The following TRAPPC10 variants were observed in gnomAD, a reference collection of about 807,000 sequenced individuals.
The protein encoded by TRAPPC10 is trafficking protein particle complex subunit 10, also known as TRAPP 130 kDa subunit.
TRAPPC10 carries 23 observed loss-of-function variants against 125.5 expected under a neutral mutation model. The ratio of observed to expected loss-of-function variants is 0.18; its 90% CI spans 0.13 to 0.26. The LOEUF (loss-of-function observed/expected upper bound fraction) is 0.26, where lower values mean the gene tolerates loss of function less well. Among genes scored for constraint, TRAPPC10 ranks in the 10% least tolerant of loss-of-function variants. TRAPPC10 has a pLI of 1.00. For synonymous variants in TRAPPC10, 509 were observed against 518.0 expected (o/e 0.98, Z 0.24); for missense variants, 1,123 against 1,308.4 (o/e 0.86, Z 2.19).
At chr21:44,062,622 T>C in intron 6 of TRAPPC10, 1 of 984,638 alleles carries the variant, frequency 1.0e-6, no homozygotes, top group Non-Finnish European at 1.2e-6. Context: ...TGCTGGGTGC[T>C]CCAATAGCCC....
chr21:44,090,062 T>C (rs2038467794), intron 18 of TRAPPC10, 129 bp downstream of exon 18: 2 of 642,626 alleles, frequency 3.1e-6, no homozygotes, highest in South Asian at 1.9e-5. Flanking sequence ...AGGCCATTGT[T>C]TGTGTCTTAA....
At chr21:44,029,816 T>C (rs1243021352) in intron 1 of TRAPPC10, among the ~76,000 whole-genome samples, 1 of 152,268 alleles carries the variant, frequency 6.6e-6, no homozygotes, top group African/African-American at 2.4e-5. Flanking sequence ...TCATTTTAAC[T>C]AAGCTACCTT....
At chr21:44,037,682 T>G (rs894128194) in intron 2 of TRAPPC10, 110 bp from the exon 3 acceptor site, 3 of 1,239,950 alleles carry the variant, frequency 2.4e-6, no homozygotes, top group African/African-American at 3.0e-5. Flanking sequence ...GGGGTTAATA[T>G]ATGTGCTCTG....
At chr21:44,085,901 G>A (rs1054387210) in intron 15 of TRAPPC10, among the ~76,000 whole-genome samples, 2 of 152,256 alleles carry the variant, frequency 1.3e-5, no homozygotes, top group Admixed American at 6.5e-5. Context: ...GGCTAGCAAC[G>A]ATTTATTTAT....
intron 4 of TRAPPC10, among the ~76,000 whole-genome samples, chr21:44,054,116 G>A (rs1318835738): frequency 6.6e-6 from 1 of 152,178 alleles, no homozygotes; most frequent in Non-Finnish European, 1.5e-5. Context: ...CCTTGAGAAT[G>A]CCTTAAGGAT....
intron 3 of TRAPPC10, among the ~76,000 whole-genome samples, chr21:44,048,797 G>GTTTTTTTTTT (rs34892092): frequency 2.8e-5 from 3 of 105,604 alleles, no homozygotes; most frequent in South Asian, 3.1e-4. Context: ...CCCACCCTGT[G>GTTTTTTTTTT]TTTTTTTTTT....
At chr21:44,052,558 T>C in intron 4 of TRAPPC10, 82 bp downstream of exon 4, 2 of 1,326,420 alleles carry the variant, frequency 1.5e-6, no homozygotes, top group Middle Eastern at 2.3e-4. Flanking sequence ...GTAATAAATA[T>C]TTACTCAGCA....
intron 11 of TRAPPC10, 93 bp from the exon 12 acceptor site, chr21:44,079,471 C>G (rs1300687759): frequency 8.3e-6 from 12 of 1,439,132 alleles, no homozygotes; most frequent in Non-Finnish European, 1.1e-5. Flanking sequence ...GGCATGGGGT[C>G]TGGAGGATGG....
chr21:44,063,130 C>T lies in TRAPPC10; in HGVS notation c.791-408C>T. 7.7e-7 allele frequency: 1 copy of T among 1,306,250 alleles called. No individual in the cohort carries two copies. The highest frequency in any genetic ancestry group is 1.0e-6 in the Non-Finnish European group (1 of 991,522). The allele number at this position is 1,306,250 out of a possible 1,614,324, so 80.9% of individuals were successfully genotyped here. Reference sequence around the variant, plus strand: ...ATGTAATCTAAGGAAGACCAAAAAACACCAGGATGGTCAGAGCAGGCTGCA... The same window carrying T: ...ATGTAATCTAAGGAAGACCAAAAAATACCAGGATGGTCAGAGCAGGCTGCA... On this transcript the variant is annotated intron_variant, in intron 6 of 22. Coordinates refer to ENST00000291574, the MANE Select transcript of TRAPPC10 (RefSeq NM_003274.5). This position sits in a 1 kb window ranked among gnomAD's most constrained non-coding sequence, Gnocchi z 4.4.
At chr21:44,088,979 CT>C (rs1166072439) in intron 17 of TRAPPC10, 1 of 168,934 alleles carries the variant, frequency 5.9e-6, no homozygotes, top group Non-Finnish European at 1.2e-5. Context: ...GTGTTATCCT[CT>C]TTTCCCTGGC....
intron 19 of TRAPPC10, 69 bp from the exon 20 acceptor site, chr21:44,093,994 G>A (rs1048367647): frequency 8.0e-6 from 12 of 1,504,282 alleles, no homozygotes; most frequent in African/African-American, 1.4e-5. Context: ...CGTGTGTTTC[G>A]CTGCAGTGTC....
intron 11 of TRAPPC10, 35 bp from the exon 12 acceptor site, chr21:44,079,529 C>G (rs2037529363): frequency 6.3e-7 from 1 of 1,576,248 alleles, no homozygotes; most frequent in Non-Finnish European, 8.6e-7. Context: ...TTATCCCTAG[C>G]TGTAATGAAA....
chr21:44,052,974 C>A (rs2035325359), intron 4 of TRAPPC10, among the ~76,000 whole-genome samples: 1 of 152,108 alleles, frequency 6.6e-6, no homozygotes, highest in South Asian at 2.1e-4. Flanking sequence ...CCTGCTCTCT[C>A]TCCTGGGGTA....
chr21:44,089,282 A>G, intron 17 of TRAPPC10: 1 of 345,206 alleles, frequency 2.9e-6, no homozygotes, highest in Non-Finnish European at 5.8e-6. Flanking sequence ...GTGGGGAATA[A>G]GGCTTGAGAC....
chr21:44,082,869 T>G lies in TRAPPC10; in HGVS notation c.1805T>G (p.Val602Gly), dbSNP rs759868255. Residue 602 changes from valine to glycine, a missense_variant, in exon 14 of 23, where the codon GTG becomes GGG. By Grantham distance (109) the Val-to-Gly change is moderately radical. Coordinates refer to ENST00000291574, the MANE Select transcript of TRAPPC10 (RefSeq NM_003274.5). This position sits in a 1 kb window ranked among gnomAD's most constrained non-coding sequence, Gnocchi z 4.4. ...HFDPSNAVVH[V>G]GGVLCVEITM... ...GATCCCTCCAATGCCGTGGTCCACG[T>G]GGGCGGCGTTTTGTGCGTTGAGATA... is the stretch of plus-strand genomic sequence containing the variant. 1 of 1,614,164 alleles carries G rather than the reference T, an allele frequency of 6.2e-7. No homozygotes were observed. The highest frequency in any genetic ancestry group is 8.5e-7 in the Non-Finnish European group (1 of 1,180,042).
chr21:44,038,501 C>G (rs561451371), intron 3 of TRAPPC10, among the ~76,000 whole-genome samples: 1 of 151,834 alleles, frequency 6.6e-6, no homozygotes, highest in African/African-American at 2.4e-5. Flanking sequence ...AGGAGGCGCC[C>G]CGTGACTCTC....
chr21:44,034,997 T>C (rs1166878332), intron 2 of TRAPPC10, among the ~76,000 whole-genome samples: 1 of 152,222 alleles, frequency 6.6e-6, no homozygotes, highest in Non-Finnish European at 1.5e-5. Context: ...GCTAATGTCC[T>C]AAGCCTCCAG....
At chr21:44,055,950 C>G (rs898614288) in intron 5 of TRAPPC10, 57 bp downstream of exon 5, 37 of 1,395,190 alleles carry the variant, frequency 2.7e-5, no homozygotes, top group Non-Finnish European at 3.1e-5. Context: ...CCTTTGTTCC[C>G]TCCCTCTCTC....
chr21:44,053,520 A>G (rs1328849739), intron 4 of TRAPPC10, among the ~76,000 whole-genome samples: 1 of 152,228 alleles, frequency 6.6e-6, no homozygotes, highest in Non-Finnish European at 1.5e-5. Context: ...TATCGTTATA[A>G]ACAACAATAT....
Sources: allele counts gnomAD v4.1 joint callset (sites outside exome capture counted in the v4.1 genomes callset), GRCh38; gene constraint gnomAD v4.1.1; non-coding constraint Gnocchi (gnomAD v3.1); transcripts MANE v1.5; gene names NCBI Gene and HGNC (gene_info 2026-07-23, HGNC 2026-07-21).